Variants in SV2B observed in about 807,000 individuals in gnomAD.
The protein encoded by SV2B is synaptic vesicle glycoprotein 2B.
Under a neutral mutation model 73.9 loss-of-function variants are expected in SV2B, and 41 were observed. The observed-to-expected ratio is 0.56, with a 90% CI of 0.43 to 0.72. The LOEUF (loss-of-function observed/expected upper bound fraction) is 0.72. Ranked by LOEUF, SV2B falls within the 30% of genes least tolerant of loss-of-function variation. The probability of loss-of-function intolerance (pLI) is 0.00; values close to 1 mark genes in which losing one functional copy is unlikely to be tolerated. For missense variants in SV2B, 764 were observed against 857.8 expected, an observed-to-expected ratio of 0.89 and a Z score of 1.37; for synonymous variants, 314 against 314.2, an observed-to-expected ratio of 1.00 and a Z score of 0.01.
chr15:91,252,371 T>G lies in SV2B; in HGVS notation c.635T>G (p.Ile212Ser). The G allele has an allele frequency of 6.2e-7, 1 of 1,610,024 alleles. No homozygotes were observed. ...TCTCTGGCATTTTTCCTTTGCAGTA[T>G]TGGGGGTGCTCTACCGATTGTTTTT... ...LFCRLISGIG[I>S]GGALPIVFAY... The change falls in exon 4 of 13, where the codon ATT (isoleucine) becomes AGT (serine). Residue 212 changes from isoleucine (I) to serine (S), a missense_variant and splice_region_variant. Transcript: ENST00000394232. The surrounding 1 kb of genome is among the most constrained non-coding windows in gnomAD (Gnocchi z 4.6).
chr15:91,156,374 T>C (rs576241951), intron 1 of SV2B, among the ~76,000 whole-genome samples: 43 of 152,294 alleles, frequency 2.8e-4, no homozygotes, highest in African/African-American at 1.0e-3. Flanking sequence ...TCAAAAAGGC[T>C]AATAAGAGAT....
chr15:91,226,960 C>T (rs2046404810), intron 2 of SV2B, among the ~76,000 whole-genome samples: 1 of 152,064 alleles, frequency 6.6e-6, no homozygotes, highest in Admixed American at 6.5e-5. Context: ...ATCTTGTTGC[C>T]TCCTTGAGAG....
rs532990504 is a variant in SV2B at position 91,172,216 on chromosome 15, C to T, written c.-391-53657C>T. Among the ~76,000 whole-genome samples the T allele has an allele frequency of 1.3e-4, 20 of 152,340 alleles. No individual in the cohort carries two copies. The South Asian group carries it at 3.5e-3, about 27-fold the overall frequency. ...TATCTTTCCAGCCTCTTCTCCTCCC[C>T]CTCTGCATCCCTGTCCCACAGCTTT... On this transcript the variant is annotated intron_variant, in intron 1 of 12. Transcript: ENST00000394232.
chr15:91,178,967 T>G (rs375860325), intron 1 of SV2B, among the ~76,000 whole-genome samples: 1 of 151,792 alleles, frequency 6.6e-6, no homozygotes, highest in Admixed American at 6.6e-5. Context: ...CTTTTCTGGT[T>G]CTTTTAATTG....
intron 1 of SV2B, among the ~76,000 whole-genome samples, chr15:91,173,132 G>C (rs1427054309): frequency 6.6e-6 from 1 of 152,128 alleles, no homozygotes; most frequent in South Asian, 2.1e-4. Context: ...TAGACAAAAG[G>C]CCAAGTGCTG....
rs1369182767 is a variant in SV2B, at chr15:91,293,471, T to C, written c.*919T>C. ...TGCAGTCTGCTTAATCCAGGCACTT[T>C]TCTTTGTGCAGGTGTAGTGAGTAGT... On this transcript the variant is annotated 3_prime_UTR_variant, in exon 13 of 13. Coordinates refer to ENST00000394232, the MANE Select transcript of SV2B (RefSeq NM_001323032.3). 1.3e-5 allele frequency: 2 copies of C among 152,214 alleles called. No individual in the cohort carries two copies. Among genetic ancestry groups the C allele is most frequent in the African/African-American group, 4.8e-5 (2 of 41,452 alleles). 9.4% of individuals were successfully genotyped at this position (152,214 alleles called of 1,614,324 possible).
chr15:91,131,386 T>TG (rs147214706), intron 1 of SV2B, among the ~76,000 whole-genome samples: 2,050 of 149,998 alleles, frequency 0.014, 49 homozygotes, highest in African/African-American at 0.043. Context: ...ACATCTGTAT[T>TG]GGGGGGGGTT....
At position 91,266,272 on chromosome 15, in the gene SV2B, T is replaced by C. The variant is rs534963068; in HGVS notation, c.1009-310T>C. The stretch of plus-strand genomic sequence containing the variant: ...GAAATGATGAGTCCGTTGTCCACTT[T>C]CCAGGGACTGCTTTCTCCCCGCGGA... On this transcript the variant is annotated intron_variant, in intron 6 of 12. Coordinates refer to ENST00000394232, the MANE Select transcript of SV2B (RefSeq NM_001323032.3). 2.6e-4 allele frequency among the ~76,000 whole-genome samples: 40 copies of C among 152,352 alleles called. No homozygotes were observed. In the East Asian group the frequency reaches 7.7e-3, roughly 29 times the overall value.
intron 1 of SV2B, among the ~76,000 whole-genome samples, chr15:91,104,087 A>G (rs2041812734): frequency 6.6e-6 from 1 of 152,236 alleles, no homozygotes; most frequent in Non-Finnish European, 1.5e-5. Flanking sequence ...TACATGCTTT[A>G]GGGCCAACCT....
At chr15:91,164,188 A>C (rs1001530504) in intron 1 of SV2B, among the ~76,000 whole-genome samples, 3 of 152,202 alleles carry the variant, frequency 2.0e-5, no homozygotes, top group Non-Finnish European at 2.9e-5. Context: ...GGTAATTTAT[A>C]GATTCAATGC....
rs182403659 is a variant in SV2B, at chr15:91,174,458, G to T, written c.-391-51415G>T. ...CCTGGTTGGAAATTGAATGTTGAAT[G>T]CTGTGTTATCCTTTGTTTAGGGAGA... is the stretch of plus-strand genomic sequence containing the variant. On this transcript the variant is annotated intron_variant, in intron 1 of 12. Transcript: ENST00000394232. Among the ~76,000 whole-genome samples, 20 of 150,034 alleles carry T rather than the reference G, an allele frequency of 1.3e-4. No individual in the cohort carries two copies. In the East Asian group the frequency reaches 3.5e-3, roughly 26 times the overall value.
At chr15:91,271,033 G>A (rs1567418313) in intron 9 of SV2B, among the ~76,000 whole-genome samples, 13 of 149,078 alleles carry the variant, frequency 8.7e-5, no homozygotes, top group African/African-American at 3.3e-4. Context: ...GATGATCGGA[G>A]GACGGTGAGT....
chr15:91,251,166 T>G (rs561925430), intron 2 of SV2B, among the ~76,000 whole-genome samples: 44 of 152,326 alleles, frequency 2.9e-4, no homozygotes, highest in African/African-American at 9.6e-4. Context: ...GGCCAATTGA[T>G]TTCCAACAAA....
intron 1 of SV2B, among the ~76,000 whole-genome samples, chr15:91,155,764 CT>C (rs1298150706): frequency 6.6e-6 from 1 of 152,160 alleles, no homozygotes; most frequent in Non-Finnish European, 1.5e-5. Flanking sequence ...TTAAAATAAT[CT>C]GAGCCATTTG....
chr15:91,218,545 A>G (rs919850664), intron 1 of SV2B, among the ~76,000 whole-genome samples: 3 of 152,136 alleles, frequency 2.0e-5, no homozygotes, highest in Non-Finnish European at 4.4e-5. Flanking sequence ...TCTCATTAGT[A>G]CCCGTCTGAG....
Position 91,197,211 on chromosome 15 carries a change from TTTG to T in SV2B, c.-391-28659_-391-28657del, listed in dbSNP as rs1425964662. On this transcript the variant is annotated intron_variant, in intron 1 of 12. Transcript: ENST00000394232. The surrounding 1 kb of genome is among the most constrained non-coding windows in gnomAD (Gnocchi z 4.9). ...ATCATTGTTTTGTTTTTGTGTTTTT[TTTG>T]TTTTTTGTTTTGTTTTGTTTTGTTT... 6.8e-6 allele frequency among the ~76,000 whole-genome samples: 1 copy of T among 147,730 alleles called. No homozygotes were observed. Among genetic ancestry groups the T allele is most frequent in the Non-Finnish European group, 1.5e-5 (1 of 68,026 alleles).
chr15:91,183,771 C>G (rs2044671497), intron 1 of SV2B, among the ~76,000 whole-genome samples: 1 of 152,214 alleles, frequency 6.6e-6, no homozygotes, highest in African/African-American at 2.4e-5. Flanking sequence ...AAGAAGTAAA[C>G]AAGCCAGATC....
At chr15:91,138,394 A>T (rs1319130281) in intron 1 of SV2B, among the ~76,000 whole-genome samples, 1 of 152,226 alleles carries the variant, frequency 6.6e-6, no homozygotes, top group Non-Finnish European at 1.5e-5. Context: ...TGGTTACTGT[A>T]TTGGACAGCA....
At chr15:91,201,133 G>T (rs1306340129) in intron 1 of SV2B, among the ~76,000 whole-genome samples, 1 of 152,044 alleles carries the variant, frequency 6.6e-6, no homozygotes, top group Non-Finnish European at 1.5e-5. Flanking sequence ...TTGGCCACCT[G>T]ACTCCCTCCT....
Sources: gnomAD v4.1 joint callset for allele counts (sites outside exome capture counted in the v4.1 genomes callset) on GRCh38, gnomAD v4.1.1 for gene constraint, Gnocchi (gnomAD v3.1) non-coding constraint, MANE v1.5 for transcripts, NCBI Gene and HGNC (gene_info 2026-07-23, HGNC 2026-07-21) for gene names.